CDH8: variants seen among roughly 807,000 people sequenced by gnomAD.
The protein encoded by CDH8 is cadherin-8.
CDH8 carries 17 observed loss-of-function variants against 68.1 expected under a neutral mutation model. The observed-to-expected ratio is 0.25, with a 90% CI of 0.17 to 0.37. The LOEUF is 0.37. CDH8 is among the 10% of genes least tolerant of loss of function. The pLI is 1.00. For synonymous variants in CDH8, 372 were observed against 365.1 expected, an observed-to-expected ratio of 1.02 and a Z score of -0.21; for missense variants, 763 against 999.3, an observed-to-expected ratio of 0.76 and a Z score of 3.19.
chr16:61,856,819 C>T (rs1963056228), intron 4 of CDH8, among the ~76,000 whole-genome samples: 2 of 152,232 alleles, frequency 1.3e-5, no homozygotes, highest in East Asian at 1.9e-4. Context: ...TGAATTTTCA[C>T]TTAAATCTAC....
intron 2 of CDH8, among the ~76,000 whole-genome samples, chr16:61,938,888 T>C (rs1228286384): frequency 6.6e-6 from 1 of 152,222 alleles, no homozygotes; most frequent in Non-Finnish European, 1.5e-5. Flanking sequence ...TGATACTAAA[T>C]GAGATGATAT....
intron 3 of CDH8, among the ~76,000 whole-genome samples, chr16:61,899,152 CG>C (rs1271839073): frequency 6.6e-6 from 1 of 152,076 alleles, no homozygotes; most frequent in African/African-American, 2.4e-5. Flanking sequence ...TGACAGGCCC[CG>C]GTGTGTGATG....
At chr16:62,023,464 G>A (rs540522839) in intron 1 of CDH8, among the ~76,000 whole-genome samples, 1 of 152,122 alleles carries the variant, frequency 6.6e-6, no homozygotes, top group South Asian at 2.1e-4. Context: ...CCTACCTAAC[G>A]GGACAATAGT....
At chr16:61,760,422 C>T (rs2142967531) in intron 8 of CDH8, among the ~76,000 whole-genome samples, 1 of 152,014 alleles carries the variant, frequency 6.6e-6, no homozygotes. Flanking sequence ...AGTGATTCTC[C>T]TGCCTCAGCC....
At chr16:61,687,202 C>T (rs1408002785) in intron 10 of CDH8, among the ~76,000 whole-genome samples, 2 of 151,588 alleles carry the variant, frequency 1.3e-5, no homozygotes, top group African/African-American at 4.8e-5. Flanking sequence ...AGGGAAGAAA[C>T]ACAACTGTAA....
intron 1 of CDH8, among the ~76,000 whole-genome samples, chr16:62,026,318 T>C (rs1477640758): frequency 2.6e-5 from 4 of 152,244 alleles, no homozygotes; most frequent in African/African-American, 9.6e-5. Context: ...ACACAGATTA[T>C]GAATCACTTA....
At chr16:61,691,376 A>C (rs530818568) in intron 10 of CDH8, among the ~76,000 whole-genome samples, 1 of 148,864 alleles carries the variant, frequency 6.7e-6, no homozygotes, top group African/African-American at 2.5e-5. Flanking sequence ...TTTTTTCCTC[A>C]GTTTGTTTTC....
At chr16:61,791,778 T>C (rs564128368) in intron 7 of CDH8, among the ~76,000 whole-genome samples, 23 of 152,040 alleles carry the variant, frequency 1.5e-4, no homozygotes, top group Non-Finnish European at 2.9e-4. Flanking sequence ...TTAAAAAATG[T>C]TGTTGTTTGT....
intron 2 of CDH8, among the ~76,000 whole-genome samples, chr16:61,973,906 A>G (rs1235414548): frequency 6.6e-6 from 1 of 152,208 alleles, no homozygotes; most frequent in East Asian, 1.9e-4. Flanking sequence ...CTTAGTTCAC[A>G]TGCTTCCCTT....
intron 8 of CDH8, among the ~76,000 whole-genome samples, chr16:61,743,974 T>G (rs1959950137): frequency 6.6e-6 from 1 of 152,168 alleles, no homozygotes; most frequent in Non-Finnish European, 1.5e-5. Context: ...TTTAAGTTTT[T>G]GTTGTTGTTA....
At chr16:61,958,904 T>C (rs1242411340) in intron 2 of CDH8, among the ~76,000 whole-genome samples, 1 of 152,104 alleles carries the variant, frequency 6.6e-6, no homozygotes, top group Non-Finnish European at 1.5e-5. Flanking sequence ...TCCATCTCCA[T>C]CAGTATAACC....
At chr16:61,872,916 C>G (rs1963396089) in intron 3 of CDH8, among the ~76,000 whole-genome samples, 1 of 152,106 alleles carries the variant, frequency 6.6e-6, no homozygotes, top group Non-Finnish European at 1.5e-5. Flanking sequence ...TAGGATGATA[C>G]AAAGAAGTGT....
chr16:61,694,938 C>T lies in CDH8; in HGVS notation c.1654+18903G>A, dbSNP rs554962322. 7.2e-5 allele frequency among the ~76,000 whole-genome samples: 11 copies of T among 151,966 alleles called. No homozygotes were observed. The South Asian group carries it at 1.0e-3, about 14-fold the overall frequency. The stretch of plus-strand genomic sequence containing the variant: ...CTGGGACTACAGGCATGCGCCACCA[C>T]GCCTGGCTAATTTTTGTATTTTTAG... On this transcript the variant is annotated intron_variant, in intron 10 of 11. Transcript: ENST00000577390.
intron 4 of CDH8, among the ~76,000 whole-genome samples, chr16:61,826,619 C>A (rs1348292759): frequency 6.6e-6 from 1 of 151,638 alleles, no homozygotes; most frequent in African/African-American, 2.4e-5. Flanking sequence ...ATTGCCTTGG[C>A]CACTTCTGAA....
intron 8 of CDH8, among the ~76,000 whole-genome samples, chr16:61,765,876 C>T (rs1960577123): frequency 6.6e-6 from 1 of 152,014 alleles, no homozygotes; most frequent in African/African-American, 2.4e-5. Flanking sequence ...TGAAAATAGT[C>T]TATTGATATA....
rs540387033 is a variant in CDH8 at position 61,746,257 on chromosome 16, C to G, written c.1415-19042G>C. On this transcript the variant is annotated intron_variant, in intron 8 of 11. Coordinates refer to ENST00000577390, the MANE Select transcript of CDH8 (RefSeq NM_001796.5). ...CTCAATTTCTAGATACCTCGGTAAC[C>G]CTGAAATCTAACTTTTGTCTCCAGA... Among the ~76,000 whole-genome samples the G allele has an allele frequency of 6.6e-5, 10 of 152,024 alleles. No homozygotes were observed. In the East Asian group the frequency reaches 1.5e-3, roughly 24 times the overall value.
intron 1 of CDH8, among the ~76,000 whole-genome samples, chr16:62,024,360 G>A (rs2150616093): frequency 6.6e-6 from 1 of 152,284 alleles, no homozygotes; most frequent in Non-Finnish European, 1.5e-5. Flanking sequence ...AGATAGGATA[G>A]ACTAGCATGC....
chr16:61,761,301 A>G (rs528868049), intron 8 of CDH8, among the ~76,000 whole-genome samples: 1 of 152,352 alleles, frequency 6.6e-6, no homozygotes, highest in Non-Finnish European at 1.5e-5. Flanking sequence ...AATAGAGACC[A>G]TCTTTACAGT....
chr16:61,957,337 T>C (rs1415006841), intron 2 of CDH8, among the ~76,000 whole-genome samples: 1 of 152,116 alleles, frequency 6.6e-6, no homozygotes, highest in African/African-American at 2.4e-5. Flanking sequence ...ATTGTTCCCT[T>C]CAAGGAAGCC....
Sources: gnomAD v4.1 joint callset for allele counts (sites outside exome capture counted in the v4.1 genomes callset) on GRCh38, gnomAD v4.1.1 for gene constraint, MANE v1.5 for transcripts, NCBI Gene and HGNC (gene_info 2026-07-23, HGNC 2026-07-21) for gene names.